Variants in INTS12 observed in about 807,000 individuals in gnomAD.
INTS12 encodes the protein PHD finger protein 22.
In INTS12, 13 loss-of-function variants were observed where a neutral mutation model predicts 41.6. The observed-to-expected ratio is 0.31, with a 90% CI of 0.20 to 0.50. The LOEUF (loss-of-function observed/expected upper bound fraction) is 0.50, where lower values mean the gene tolerates loss of function less well. INTS12 is among the 20% of genes least tolerant of loss of function. The pLI is 0.98. For synonymous variants in INTS12, 199 were observed against 191.4 expected, an observed-to-expected ratio of 1.04 and a Z score of -0.33; for missense variants, 432 against 541.6, an observed-to-expected ratio of 0.80 and a Z score of 2.01.
At chr4:105,686,332 A>G (rs1578379679) in intron 7 of INTS12, among the ~76,000 whole-genome samples, 2 of 152,040 alleles carry the variant, frequency 1.3e-5, no homozygotes, top group South Asian at 4.2e-4. Context: ...CAGGTAATCC[A>G]CCCGCCTTGG....
intron 7 of INTS12, among the ~76,000 whole-genome samples, chr4:105,685,581 G>A (rs1677198022): frequency 6.6e-6 from 1 of 152,070 alleles, no homozygotes; most frequent in African/African-American, 2.4e-5. Flanking sequence ...TCAAGGGTAT[G>A]AAGCTTACTA....
chr4:105,688,222 T>A (rs1227629326), intron 6 of INTS12, among the ~76,000 whole-genome samples: 2 of 152,226 alleles, frequency 1.3e-5, no homozygotes, highest in African/African-American at 2.4e-5. Context: ...AATCCATGCA[T>A]ACTGAACGGG....
intron 5 of INTS12, 46 bp downstream of exon 5, chr4:105,693,253 G>T: frequency 6.8e-7 from 1 of 1,461,082 alleles, no homozygotes; most frequent in Non-Finnish European, 9.3e-7. Flanking sequence ...AGGGTCATGT[G>T]TTCTTTATAA....
chr4:105,706,895 C>T (rs1732285641), intron 1 of INTS12, among the ~76,000 whole-genome samples: 1 of 152,052 alleles, frequency 6.6e-6, no homozygotes. Context: ...CGTTATTTTC[C>T]TTGACTTCAA....
At chr4:105,700,784 T>C (rs887589155) in intron 2 of INTS12, among the ~76,000 whole-genome samples, 1 of 148,404 alleles carries the variant, frequency 6.7e-6, no homozygotes, top group Non-Finnish European at 1.5e-5. Flanking sequence ...GCTTAAAAAA[T>C]AGCCAAGATG....
intron 1 of INTS12, chr4:105,708,131 G>C (rs1732366111): frequency 2.0e-6 from 2 of 985,346 alleles, no homozygotes; most frequent in African/African-American, 1.7e-5. Flanking sequence ...CTGAGTTCTT[G>C]GTTCTGGATA....
intron 7 of INTS12, among the ~76,000 whole-genome samples, chr4:105,685,066 G>A (rs1023164715): frequency 2.0e-5 from 3 of 152,040 alleles, no homozygotes; most frequent in African/African-American, 7.2e-5. Flanking sequence ...TTTCAGTGTA[G>A]AAAACAAATT....
intron 3 of INTS12, among the ~76,000 whole-genome samples, chr4:105,697,955 T>A (rs1214500138): frequency 6.6e-6 from 1 of 151,918 alleles, no homozygotes; most frequent in Admixed American, 6.6e-5. Flanking sequence ...GAGGCTGAAG[T>A]GGGAGGATTG....
At chr4:105,696,051 C>T (rs1578387252) in intron 3 of INTS12, among the ~76,000 whole-genome samples, 1 of 152,222 alleles carries the variant, frequency 6.6e-6, no homozygotes, top group Admixed American at 6.5e-5. Context: ...GGCGTTTCAC[C>T]ATGTTGGCCA....
At chr4:105,689,588 T>C (rs1348231169) in intron 6 of INTS12, among the ~76,000 whole-genome samples, 1 of 152,198 alleles carries the variant, frequency 6.6e-6, no homozygotes, top group African/African-American at 2.4e-5. Flanking sequence ...ACAGACCAGA[T>C]TCACTGTTGA....
chr4:105,703,035 A>T (rs1259794293), intron 2 of INTS12: 1 of 984,426 alleles, frequency 1.0e-6, no homozygotes, highest in African/African-American at 1.7e-5. Flanking sequence ...TACACATACA[A>T]AAATATTTTC....
At chr4:105,686,369 G>A (rs1207601533) in intron 7 of INTS12, among the ~76,000 whole-genome samples, 2 of 152,186 alleles carry the variant, frequency 1.3e-5, no homozygotes, top group Non-Finnish European at 2.9e-5. Flanking sequence ...GACTATAGGT[G>A]TGAGTCATGG....
At chr4:105,683,378 T>C (rs1257871797) in intron 7 of INTS12, 61 bp from the exon 8 acceptor site, 2 of 1,205,024 alleles carry the variant, frequency 1.7e-6, no homozygotes, top group African/African-American at 3.1e-5. Flanking sequence ...TGTATAAACA[T>C]CCCAAGTTAT....
chr4:105,694,923 T>G (rs1731806567), intron 4 of INTS12, among the ~76,000 whole-genome samples: 1 of 151,958 alleles, frequency 6.6e-6, no homozygotes, highest in South Asian at 2.1e-4. Flanking sequence ...ATCTTTTCTT[T>G]CTTGCTTTCC....
intron 3 of INTS12, among the ~76,000 whole-genome samples, chr4:105,698,598 C>A (rs1019245038): frequency 6.6e-6 from 1 of 152,120 alleles, no homozygotes; most frequent in Non-Finnish European, 1.5e-5. Context: ...CTGGACAATA[C>A]CAACACCCAC....
chr4:105,685,547 G>A (rs971691212), intron 7 of INTS12, among the ~76,000 whole-genome samples: 5 of 152,016 alleles, frequency 3.3e-5, no homozygotes, highest in South Asian at 2.1e-4. Context: ...AAAGTATTTC[G>A]TATTCATATT....
intron 2 of INTS12, 96 bp from the exon 3 acceptor site, chr4:105,700,110 C>A: frequency 1.4e-6 from 1 of 730,748 alleles, no homozygotes; most frequent in East Asian, 2.9e-5. Context: ...ATAGATAATA[C>A]TGTACACATG....
intron 6 of INTS12, 139 bp from the exon 7 acceptor site, chr4:105,686,977 A>G (rs1731519370): frequency 2.9e-6 from 2 of 689,742 alleles, no homozygotes; most frequent in South Asian, 3.5e-5. Flanking sequence ...ATGAATATAT[A>G]TGCTCTTTGA....
At chr4:105,704,053 T>C (rs1259049193) in intron 1 of INTS12, among the ~76,000 whole-genome samples, 4 of 152,072 alleles carry the variant, frequency 2.6e-5, no homozygotes, top group African/African-American at 9.7e-5. Flanking sequence ...CATCTTTTCA[T>C]TGACATTAAA....
Sources: gnomAD v4.1 joint callset for allele counts (sites outside exome capture counted in the v4.1 genomes callset) on GRCh38, gnomAD v4.1.1 for gene constraint, MANE v1.5 for transcripts, NCBI Gene and HGNC (gene_info 2026-07-23, HGNC 2026-07-21) for gene names.